Variants in TLL1 observed in about 807,000 individuals in gnomAD.
The protein encoded by TLL1 is tolloid like 1.
A neutral mutation model predicts 128.2 loss-of-function variants in TLL1; 49 were observed. The ratio of observed to expected loss-of-function variants is 0.38; its 90% CI spans 0.30 to 0.48. The LOEUF is 0.48. TLL1 is among the 20% of genes least tolerant of loss of function. The probability of loss-of-function intolerance (pLI) is 0.96; values close to 1 mark genes in which losing one functional copy is unlikely to be tolerated. For missense variants in TLL1, 1,123 were observed against 1,242.0 expected (o/e 0.90, Z 1.44); for synonymous variants, 454 against 418.8 (o/e 1.08, Z -1.03).
intron 3 of TLL1, among the ~76,000 whole-genome samples, chr4:165,994,165 C>T (rs147894917): frequency 6.6e-6 from 1 of 152,258 alleles, no homozygotes; most frequent in Non-Finnish European, 1.5e-5. Flanking sequence ...ACTCACAGAA[C>T]ATTAAGATAT....
At chr4:166,076,064 T>C (rs1560855178) in intron 17 of TLL1, among the ~76,000 whole-genome samples, 1 of 152,074 alleles carries the variant, frequency 6.6e-6, no homozygotes, top group African/African-American at 2.4e-5. Context: ...TTGTGGGTTT[T>C]GGGGTTTTCA....
chr4:165,931,982 T>C (rs2110907439), intron 1 of TLL1, among the ~76,000 whole-genome samples: 1 of 152,274 alleles, frequency 6.6e-6, no homozygotes, highest in South Asian at 2.1e-4. Context: ...TAGTGGGGAC[T>C]TTCCTTTGCT....
At chr4:166,043,749 T>G (rs1739337446) in intron 12 of TLL1, among the ~76,000 whole-genome samples, 1 of 152,126 alleles carries the variant, frequency 6.6e-6, no homozygotes, top group Admixed American at 6.6e-5. Flanking sequence ...CTTTTATTTC[T>G]CTTCTAAACT....
intron 16 of TLL1, among the ~76,000 whole-genome samples, chr4:166,066,470 G>C (rs556289307): frequency 4.0e-5 from 6 of 151,650 alleles, no homozygotes; most frequent in Non-Finnish European, 7.4e-5. Context: ...TCAGAATCAT[G>C]CTTTATAAAA....
intron 9 of TLL1, among the ~76,000 whole-genome samples, chr4:166,038,619 C>G (rs994075217): frequency 3.3e-5 from 5 of 152,120 alleles, no homozygotes; most frequent in Non-Finnish European, 7.4e-5. Flanking sequence ...ATTTATAAAG[C>G]AGTAAGAAAG....
intron 18 of TLL1, among the ~76,000 whole-genome samples, chr4:166,088,935 A>G (rs960779987): frequency 4.6e-5 from 7 of 152,144 alleles, no homozygotes; most frequent in African/African-American, 1.2e-4. Flanking sequence ...CAATGGACCA[A>G]TCAACGGACT....
At chr4:165,993,613 T>C (rs1347921300) in intron 3 of TLL1, among the ~76,000 whole-genome samples, 2 of 152,092 alleles carry the variant, frequency 1.3e-5, no homozygotes, top group African/African-American at 4.8e-5. Context: ...TGTCAAAGTA[T>C]ACACCAGTGG....
intron 2 of TLL1, 41 bp downstream of exon 2, chr4:165,989,532 G>T: frequency 7.1e-7 from 1 of 1,407,810 alleles, no homozygotes; most frequent in Non-Finnish European, 1.0e-6. Flanking sequence ...TTATTTTGGA[G>T]AAAATATACT....
intron 15 of TLL1, among the ~76,000 whole-genome samples, chr4:166,061,639 G>T (rs1344040251): frequency 1.3e-5 from 2 of 152,074 alleles, no homozygotes; most frequent in Admixed American, 6.6e-5. Context: ...TAAAAAAGAG[G>T]TAGCTGACTT....
chr4:166,007,929 T>A lies in TLL1; in HGVS notation c.812-14T>A. The stretch of plus-strand genomic sequence containing the variant: ...TAAAAGGCTTCTGAGATTTTGTTTA[T>A]CCCTGGTTCTTAGGTCAAGAGTACA... On this transcript the variant is annotated splice_polypyrimidine_tract_variant and intron_variant, in intron 6 of 20. Transcript: ENST00000061240. 6.4e-7 allele frequency: 1 copy of A among 1,561,328 alleles called. No homozygotes were observed. The highest frequency in any genetic ancestry group is 8.8e-7 in the Non-Finnish European group (1 of 1,133,056).
intron 1 of TLL1, among the ~76,000 whole-genome samples, chr4:165,922,258 G>A (rs1733071476): frequency 6.6e-6 from 1 of 152,248 alleles, no homozygotes; most frequent in South Asian, 2.1e-4. Context: ...TATTTGTTTT[G>A]AAACTATTGA....
chr4:166,029,676 A>G (rs1006655647), intron 9 of TLL1, among the ~76,000 whole-genome samples: 1 of 151,976 alleles, frequency 6.6e-6, no homozygotes, highest in East Asian at 1.9e-4. Context: ...TTTTCCTTCC[A>G]TCCCTTTGTG....
chr4:165,889,946 C>A lies in TLL1; in HGVS notation c.169+15873C>A, dbSNP rs549843865. 3.3e-5 allele frequency among the ~76,000 whole-genome samples: 5 copies of A among 152,242 alleles called. No individual in the cohort carries two copies. The East Asian group carries it at 9.6e-4, about 29-fold the overall frequency. On this transcript the variant is annotated intron_variant, in intron 1 of 20. Coordinates refer to ENST00000061240, the MANE Select transcript of TLL1 (RefSeq NM_012464.5). ...GCTGCTAGTAAAGACCTACCCGAGACTGAATAACTTATAAAGGAAAGAGGT... is the reference window on the plus strand; with the variant it reads ...GCTGCTAGTAAAGACCTACCCGAGAATGAATAACTTATAAAGGAAAGAGGT...
At chr4:165,980,707 A>G (rs1736113876) in intron 1 of TLL1, among the ~76,000 whole-genome samples, 1 of 152,108 alleles carries the variant, frequency 6.6e-6, no homozygotes, top group Non-Finnish European at 1.5e-5. Context: ...TAAATGGTAA[A>G]TAGAAGGCAA....
At chr4:166,013,731 A>G (rs1047448916) in intron 7 of TLL1, among the ~76,000 whole-genome samples, 1 of 151,766 alleles carries the variant, frequency 6.6e-6, no homozygotes, top group Admixed American at 6.6e-5. Flanking sequence ...GATCATGCAT[A>G]TTAGGAAAAA....
intron 7 of TLL1, 150 bp from the exon 8 acceptor site, chr4:166,014,286 T>G (rs1737834004): frequency 9.3e-7 from 1 of 1,070,202 alleles, no homozygotes; most frequent in Non-Finnish European, 1.4e-6. Flanking sequence ...TTGATGAAAG[T>G]GTTTTGAAAG....
chr4:165,985,126 G>T (rs1253042011), intron 1 of TLL1, among the ~76,000 whole-genome samples: 1 of 152,086 alleles, frequency 6.6e-6, no homozygotes, highest in South Asian at 2.1e-4. Context: ...ACTTCCTGTT[G>T]TTAGTATTTT....
At chr4:165,924,983 C>A (rs775435767) in intron 1 of TLL1, among the ~76,000 whole-genome samples, 5 of 152,122 alleles carry the variant, frequency 3.3e-5, no homozygotes, top group Non-Finnish European at 7.3e-5. Context: ...ATATTTAAGT[C>A]CACTGTGGAG....
At chr4:165,999,580 A>C (rs1316612403) in intron 5 of TLL1, among the ~76,000 whole-genome samples, 1 of 151,966 alleles carries the variant, frequency 6.6e-6, no homozygotes, top group African/African-American at 2.4e-5. Context: ...ATTTGAGATG[A>C]GATTTGGGTT....
Sources: allele counts gnomAD v4.1 joint callset (sites outside exome capture counted in the v4.1 genomes callset), GRCh38; gene constraint gnomAD v4.1.1; transcripts MANE v1.5; gene names NCBI Gene and HGNC (gene_info 2026-07-23, HGNC 2026-07-21).